AMOTL1: variants seen among roughly 807,000 people sequenced by gnomAD.
The protein encoded by AMOTL1 is angiomotin-like protein 1.
A neutral mutation model predicts 102.9 loss-of-function variants in AMOTL1; 45 were observed. The ratio of observed to expected loss-of-function variants is 0.44; its 90% CI spans 0.34 to 0.56. The LOEUF (loss-of-function observed/expected upper bound fraction) is 0.56. AMOTL1 is among the 20% of genes least tolerant of loss of function. AMOTL1 has a pLI of 0.01. For missense variants in AMOTL1, 1,114 were observed against 1,225.6 expected (o/e 0.91, Z 1.36); for synonymous variants, 481 against 484.7 (o/e 0.99, Z 0.10).
Position 94,799,307 on chromosome 11 carries a change from A to G in AMOTL1, c.200-83A>G, listed in dbSNP as rs1305378181. ...ATTTTTAAATGTTGCTGTAGTTAGAATGTTAATTATGTACCACATAGTCAC... is the reference window on the plus strand; with the variant it reads ...ATTTTTAAATGTTGCTGTAGTTAGAGTGTTAATTATGTACCACATAGTCAC... On this transcript the variant is annotated intron_variant, in intron 2 of 12. Transcript: ENST00000433060. This position sits in a 1 kb window ranked among gnomAD's most constrained non-coding sequence, Gnocchi z 4.5. 1.8e-6 allele frequency: 2 copies of G among 1,113,330 alleles called. No homozygotes were observed. Among genetic ancestry groups the G allele is most frequent in the Non-Finnish European group, 2.5e-6 (2 of 794,686 alleles). 69.0% of individuals were successfully genotyped at this position (1,113,330 alleles called of 1,614,324 possible). A position where few individuals can be genotyped will look rare whatever the true frequency, so the allele number is the denominator to read the frequency against.
intron 1 of AMOTL1, among the ~76,000 whole-genome samples, chr11:94,708,091 A>G (rs1476381372): frequency 1.3e-5 from 2 of 151,964 alleles, no homozygotes; most frequent in Non-Finnish European, 2.9e-5. Flanking sequence ...CTACCCCACC[A>G]CTACTACCTT....
intron 2 of AMOTL1, among the ~76,000 whole-genome samples, chr11:94,798,233 A>G (rs2135568290): frequency 1.3e-5 from 2 of 152,336 alleles, no homozygotes; most frequent in Middle Eastern, 3.4e-3. Context: ...TTTGGAATGA[A>G]TGAAATAACA....
intron 3 of AMOTL1, among the ~76,000 whole-genome samples, chr11:94,754,871 T>C (rs1157368932): frequency 3.3e-5 from 5 of 152,204 alleles, no homozygotes; most frequent in Admixed American, 6.5e-5. Context: ...TACTAAAATA[T>C]TTTGTTGTTT....
intron 4 of AMOTL1, among the ~76,000 whole-genome samples, chr11:94,823,685 T>C (rs1208546667): frequency 6.6e-6 from 1 of 152,004 alleles, no homozygotes; most frequent in Non-Finnish European, 1.5e-5. Context: ...ATTGGAGGCC[T>C]TGTTATTTTT....
intron 1 of AMOTL1, among the ~76,000 whole-genome samples, chr11:94,769,797 C>G (rs1950918498): frequency 6.6e-6 from 1 of 152,034 alleles, no homozygotes; most frequent in Non-Finnish European, 1.5e-5. Context: ...CCTTGGTTTC[C>G]CATTTTCTTC....
intron 2 of AMOTL1, among the ~76,000 whole-genome samples, chr11:94,796,517 C>A (rs760989965): frequency 4.6e-5 from 7 of 152,014 alleles, no homozygotes; most frequent in Non-Finnish European, 1.0e-4. Flanking sequence ...GGAGAAGGAG[C>A]CAGGGGCAAG....
At chr11:94,825,974 T>C (rs574882520) in intron 4 of AMOTL1, among the ~76,000 whole-genome samples, 1 of 152,304 alleles carries the variant, frequency 6.6e-6, no homozygotes, top group South Asian at 2.1e-4. Flanking sequence ...AGGAAATGTT[T>C]CTTTATGTTA....
chr11:94,867,818 C>T (rs1952913013), intron 11 of AMOTL1, among the ~76,000 whole-genome samples: 1 of 152,204 alleles, frequency 6.6e-6, no homozygotes, highest in Non-Finnish European at 1.5e-5. Flanking sequence ...CTGGAGTTTC[C>T]ACAGGCTGGG....
At chr11:94,804,570 G>A (rs1044663209) in intron 3 of AMOTL1, among the ~76,000 whole-genome samples, 2 of 152,182 alleles carry the variant, frequency 1.3e-5, no homozygotes, top group Non-Finnish European at 2.9e-5. Flanking sequence ...AAGATTACAG[G>A]TGAACACTGC....
Position 94,739,338 on chromosome 11 carries a change from A to T in AMOTL1, c.86-1600A>T, listed in dbSNP as rs190515471. On this transcript the variant is annotated intron_variant, in intron 2 of 4. Transcript: ENST00000299004. ...ATTTAATTCCTGGATTTGGGAGCTC[A>T]GATTATAAGAAGCAGGAAAAAGAAG... Among the ~76,000 whole-genome samples, 3 of 152,316 alleles carry T rather than the reference A, an allele frequency of 2.0e-5. No homozygotes were observed. The East Asian group carries it at 5.8e-4, about 29-fold the overall frequency.
At chr11:94,778,104 C>G (rs1951051148) in intron 1 of AMOTL1, among the ~76,000 whole-genome samples, 1 of 152,182 alleles carries the variant, frequency 6.6e-6, no homozygotes. Flanking sequence ...AACTGTCTTT[C>G]AAGTATTTAT....
At chr11:94,798,189 G>T (rs78095375) in intron 2 of AMOTL1, among the ~76,000 whole-genome samples, 9,735 of 152,238 alleles carry the variant, frequency 0.064, 654 homozygotes, top group East Asian at 0.28. Flanking sequence ...CTTCTGTAAG[G>T]TGAGGGAATT....
chr11:94,780,136 C>A (rs1239670208), intron 1 of AMOTL1, among the ~76,000 whole-genome samples: 4 of 152,164 alleles, frequency 2.6e-5, no homozygotes, highest in African/African-American at 9.7e-5. Flanking sequence ...GAGGAAAATT[C>A]TTTTCCTCTT....
At chr11:94,847,612 C>T (rs1952444117) in intron 6 of AMOTL1, among the ~76,000 whole-genome samples, 2 of 152,162 alleles carry the variant, frequency 1.3e-5, no homozygotes, top group Admixed American at 6.5e-5. Context: ...GGTTAAATAT[C>T]TCACCTGAGG....
chr11:94,754,814 A>T (rs200777979), intron 3 of AMOTL1, among the ~76,000 whole-genome samples: 1 of 141,802 alleles, frequency 7.1e-6, no homozygotes, highest in African/African-American at 2.4e-5. Context: ...AACAGTGAAT[A>T]TTTTTTTTAG....
At chr11:94,760,293 C>G (rs1748317529) in intron 3 of AMOTL1, among the ~76,000 whole-genome samples, 1 of 152,184 alleles carries the variant, frequency 6.6e-6, no homozygotes, top group African/African-American at 2.4e-5. Context: ...TTTCTCTCCT[C>G]TATTTAATTT....
At chr11:94,866,392 C>G in intron 11 of AMOTL1, 1 of 569,768 alleles carries the variant, frequency 1.8e-6, no homozygotes, top group Non-Finnish European at 3.1e-6. Flanking sequence ...TGGGTTGACT[C>G]AGATCAGAAT....
At chr11:94,805,729 T>A (rs1951556837) in intron 3 of AMOTL1, among the ~76,000 whole-genome samples, 1 of 152,232 alleles carries the variant, frequency 6.6e-6, no homozygotes, top group South Asian at 2.1e-4. Context: ...ATTTTGTTCA[T>A]CTATGAGTAC....
chr11:94,866,455 T>C (rs1565388561), intron 11 of AMOTL1: 1 of 413,012 alleles, frequency 2.4e-6, no homozygotes, highest in Non-Finnish European at 4.5e-6. Context: ...AAGGCTCTCA[T>C]AGAAAAGCCT....
Sources: allele counts gnomAD v4.1 joint callset (sites outside exome capture counted in the v4.1 genomes callset), GRCh38; gene constraint gnomAD v4.1.1; non-coding constraint Gnocchi (gnomAD v3.1); transcripts MANE v1.5; gene names NCBI Gene and HGNC (gene_info 2026-07-23, HGNC 2026-07-21).